Variants in PRCP observed in about 807,000 individuals in gnomAD.
The protein encoded by PRCP is prolylcarboxypeptidase.
Under a neutral mutation model 54.2 loss-of-function variants are expected in PRCP, and 46 were observed. The observed-to-expected ratio is 0.85, with a 90% CI of 0.67 to 1.09. The LOEUF is 1.09. Among genes scored for constraint, PRCP ranks in the 50% least tolerant of loss-of-function variants. The probability of loss-of-function intolerance (pLI) is 0.00; values close to 1 mark genes in which losing one functional copy is unlikely to be tolerated. For synonymous variants in PRCP, 240 were observed against 212.2 expected (o/e 1.13, Z -1.14); for missense variants, 613 against 596.8 (o/e 1.03, Z -0.28).
At chr11:82,853,985 G>T (rs976511912) in intron 2 of PRCP, among the ~76,000 whole-genome samples, 1 of 152,116 alleles carries the variant, frequency 6.6e-6, no homozygotes, top group Admixed American at 6.5e-5. Flanking sequence ...CAAAAAAGTA[G>T]GTATTGAAGG....
chr11:82,850,947 T>A (rs1229928137), intron 3 of PRCP, among the ~76,000 whole-genome samples: 2 of 152,194 alleles, frequency 1.3e-5, no homozygotes, highest in East Asian at 3.8e-4. Context: ...GGAAAGATTA[T>A]ATATGACCTC....
chr11:82,888,720 G>C (rs1437494422), intron 1 of PRCP, among the ~76,000 whole-genome samples: 1 of 152,162 alleles, frequency 6.6e-6, no homozygotes, highest in Non-Finnish European at 1.5e-5. Flanking sequence ...GTCTTTATCT[G>C]ACATTCTATC....
intron 8 of PRCP, chr11:82,828,151 C>T (rs1302923912): frequency 6.6e-6 from 1 of 152,120 alleles, no homozygotes. Context: ...AAAACTAATG[C>T]CCAAAGAGGT....
At chr11:82,836,706 G>A (rs1301422443) in intron 8 of PRCP, among the ~76,000 whole-genome samples, 1 of 151,964 alleles carries the variant, frequency 6.6e-6, no homozygotes, top group Non-Finnish European at 1.5e-5. Context: ...ATGCCACCAT[G>A]CCAACTAATT....
chr11:82,889,146 G>A (rs1859937955), intron 1 of PRCP, among the ~76,000 whole-genome samples: 1 of 151,998 alleles, frequency 6.6e-6, no homozygotes, highest in African/African-American at 2.4e-5. Context: ...GATCACTTGA[G>A]GCCAGAAGTT....
At chr11:82,829,239 C>G (rs1858318741) in intron 8 of PRCP, 1 of 152,216 alleles carries the variant, frequency 6.6e-6, no homozygotes, top group Non-Finnish European at 1.5e-5. Flanking sequence ...GTTTTCCCAT[C>G]TCATTCACAG....
At chr11:82,852,374 T>G (rs1003997298) in intron 3 of PRCP, among the ~76,000 whole-genome samples, 50 of 152,194 alleles carry the variant, frequency 3.3e-4, no homozygotes, top group African/African-American at 1.1e-3. Context: ...CCCCAAGTCC[T>G]TCTAGCTGAG....
intron 1 of PRCP, among the ~76,000 whole-genome samples, chr11:82,879,955 T>C (rs10898049): frequency 0.13 from 19,836 of 152,198 alleles, 1,356 homozygotes; most frequent in Middle Eastern, 0.19. Flanking sequence ...TACTGGGAAG[T>C]GTCTCCCAGT....
intron 7 of PRCP, 45 bp from the exon 8 acceptor site, chr11:82,838,619 A>G: frequency 6.4e-7 from 1 of 1,555,494 alleles, no homozygotes; most frequent in East Asian, 2.3e-5. Context: ...AAATGAGGCA[A>G]AAAGAGGTTA....
At chr11:82,883,310 G>A (rs1859794194) in intron 1 of PRCP, among the ~76,000 whole-genome samples, 1 of 152,178 alleles carries the variant, frequency 6.6e-6, no homozygotes, top group South Asian at 2.1e-4. Flanking sequence ...CAAGACCTGA[G>A]CAGTGAAAGA....
At chr11:82,871,177 CTTTTTTTT>C (rs146234682) in intron 1 of PRCP, among the ~76,000 whole-genome samples, 6 of 117,410 alleles carry the variant, frequency 5.1e-5, no homozygotes, top group Non-Finnish European at 1.0e-4. Flanking sequence ...AAATGTTTCT[CTTTTTTTT>C]TTTTTTTTTT....
intron 6 of PRCP, among the ~76,000 whole-genome samples, chr11:82,843,798 A>G (rs1262424325): frequency 6.6e-6 from 1 of 152,198 alleles, no homozygotes; most frequent in Non-Finnish European, 1.5e-5. Context: ...TCCTCACAAT[A>G]ACCAAGAGAG....
At chr11:82,845,965 CAAATT>C (rs1858798039) in intron 6 of PRCP, 1 of 152,168 alleles carries the variant, frequency 6.6e-6, no homozygotes, top group Non-Finnish European at 1.5e-5. Context: ...AGCCCAAAGA[CAAATT>C]AAAAGGAACG....
chr11:82,875,722 TGGGTGAGAACAG>T (rs1337728707), intron 1 of PRCP, among the ~76,000 whole-genome samples: 1 of 152,196 alleles, frequency 6.6e-6, no homozygotes, highest in Admixed American at 6.5e-5. Flanking sequence ...ATTATGAATG[TGGGTGAGAACAG>T]GGTGATTGTT....
In PRCP at chr11:82,830,627, C is replaced by CAAAAAAAAA. The variant is rs35851740; in HGVS notation, c.1275-5514_1275-5506dup. ...TGGGTGACAGAGCAAGACTCCATCT[C>CAAAAAAAAA]AAAAAAAAAAAAAAAAAAAAAAAAA... is the stretch of plus-strand genomic sequence containing the variant. On this transcript the variant is annotated intron_variant, in intron 8 of 8. Coordinates refer to ENST00000313010, the MANE Select transcript of PRCP (RefSeq NM_005040.4). 1.1e-4 allele frequency: 2 copies of CAAAAAAAAA among 18,644 alleles called. 1 individual carries two copies. Among genetic ancestry groups the CAAAAAAAAA allele is most frequent in the African/African-American group, 4.0e-4 (2 of 4,958 alleles). 1.2% of individuals were successfully genotyped at this position (18,644 alleles called of 1,614,324 possible).
intron 1 of PRCP, among the ~76,000 whole-genome samples, chr11:82,867,522 C>A (rs956287664): frequency 2.0e-5 from 3 of 152,184 alleles, no homozygotes; most frequent in African/African-American, 7.2e-5. Flanking sequence ...TCAAACAGCT[C>A]TGTGAAAGCA....
chr11:82,844,562 C>T (rs3885248), intron 6 of PRCP, among the ~76,000 whole-genome samples: 35,056 of 151,600 alleles, frequency 0.23, 4,160 homozygotes, highest in Admixed American at 0.29. Context: ...CATGGTGAAA[C>T]CCCGTCTCTA....
At chr11:82,863,428 A>G (rs10898043) in intron 1 of PRCP, among the ~76,000 whole-genome samples, 55,808 of 151,960 alleles carry the variant, frequency 0.37, 10,727 homozygotes, top group African/African-American at 0.47. Context: ...ACCTTTCGAA[A>G]CTCAGCAGGT....
Position 82,900,375 on chromosome 11 carries a change from G to A in PRCP, c.28C>T (p.Leu10Phe), listed in dbSNP as rs1253943624. MGRRALLLL[L>F]LSFLAPWATI... ...GCCCAGGGCGCCAGAAAAGACAGAA[G>A]CAGGAGCAGGAGGGCTCGGCGGCCC... Residue 10 changes from leucine to phenylalanine, a missense_variant, in exon 1 of 9, where the codon CTT becomes TTT. Coordinates refer to ENST00000313010, the MANE Select transcript of PRCP (RefSeq NM_005040.4). The A allele has an allele frequency of 2.5e-6, 4 of 1,613,920 alleles. No individual in the cohort carries two copies. In the South Asian group the frequency reaches 3.3e-5, roughly 13 times the overall value.
Sources: allele counts gnomAD v4.1 joint callset (sites outside exome capture counted in the v4.1 genomes callset), GRCh38; gene constraint gnomAD v4.1.1; transcripts MANE v1.5; gene names NCBI Gene and HGNC (gene_info 2026-07-23, HGNC 2026-07-21).